The following ARGLU1 variants were observed in gnomAD, a reference collection of about 807,000 sequenced individuals.
ARGLU1 encodes the protein arginine and glutamate-rich protein 1.
Under a neutral mutation model 37.6 loss-of-function variants are expected in ARGLU1, and 9 were observed. The ratio of observed to expected loss-of-function variants is 0.24; its 90% CI spans 0.14 to 0.42. The LOEUF is 0.42. ARGLU1 is among the 10% of genes least tolerant of loss of function. The pLI is 1.00. For missense variants in ARGLU1, 211 were observed against 359.2 expected, an observed-to-expected ratio of 0.59 and a Z score of 3.34; for synonymous variants, 166 against 138.5, an observed-to-expected ratio of 1.20 and a Z score of -1.39.
rs1342796170 is a variant in ARGLU1, at chr13:106,542,187, C to T, written c.*1809G>A. 1 of 151,944 alleles carries T rather than the reference C, an allele frequency of 6.6e-6. No homozygotes were observed. Among genetic ancestry groups the T allele is most frequent in the Non-Finnish European group, 1.5e-5 (1 of 67,972 alleles). 9.4% of individuals were successfully genotyped at this position (151,944 alleles called of 1,614,324 possible). On this transcript the variant is annotated 3_prime_UTR_variant, in exon 4 of 4. Coordinates refer to ENST00000400198, the MANE Select transcript of ARGLU1 (RefSeq NM_018011.4). ...TTTCAAATATTTTAAGTCCAGGCTA[C>T]TCTCTTTAGATACAATGTTTTGAAC...
chr13:106,550,719 C>T (rs955111429), intron 3 of ARGLU1, among the ~76,000 whole-genome samples: 1 of 152,156 alleles, frequency 6.6e-6, no homozygotes, highest in Non-Finnish European at 1.5e-5. Flanking sequence ...GACACACTTC[C>T]TCCAGAGGTT....
intron 1 of ARGLU1, among the ~76,000 whole-genome samples, chr13:106,563,009 C>CAAAAAAAAAAAAAAAAAAAAAAAAA (rs71809659): frequency 2.1e-5 from 2 of 94,402 alleles, no homozygotes; most frequent in Non-Finnish European, 4.5e-5. Context: ...AAAAAAAAAA[C>CAAAAAAAAAAAAAAAAAAAAAAAAA]AAAAAAAAAA....
chr13:106,562,096 T>A (rs1880817092), intron 1 of ARGLU1: 1 of 152,226 alleles, frequency 6.6e-6, no homozygotes, highest in Non-Finnish European at 1.5e-5. Context: ...CTGGAGGAAC[T>A]GCAAGGCATC....
intron 1 of ARGLU1, among the ~76,000 whole-genome samples, chr13:106,562,773 T>C (rs1880845524): frequency 6.6e-6 from 1 of 151,690 alleles, no homozygotes; most frequent in South Asian, 2.1e-4. Flanking sequence ...AGGTGGATCA[T>C]GAGGTCAGGA....
At chr13:106,560,826 A>T (rs1466881647) in intron 1 of ARGLU1, among the ~76,000 whole-genome samples, 1 of 152,192 alleles carries the variant, frequency 6.6e-6, no homozygotes, top group Admixed American at 6.5e-5. Flanking sequence ...TTTGACATCC[A>T]TATATATGAG....
chr13:106,549,648 G>A (rs1472810304), intron 3 of ARGLU1, among the ~76,000 whole-genome samples: 1 of 152,088 alleles, frequency 6.6e-6, no homozygotes, highest in Non-Finnish European at 1.5e-5. Flanking sequence ...ATCATTACAG[G>A]ATATCATTAG....
chr13:106,560,365 A>G (rs1880763941), intron 1 of ARGLU1, among the ~76,000 whole-genome samples: 1 of 152,164 alleles, frequency 6.6e-6, no homozygotes, highest in African/African-American at 2.4e-5. Flanking sequence ...CTCCAATCCC[A>G]TTTTGATATT....
intron 1 of ARGLU1, chr13:106,561,846 C>G (rs1489678611): frequency 6.6e-6 from 1 of 152,230 alleles, no homozygotes; most frequent in Admixed American, 6.5e-5. Context: ...AATGCCAAAT[C>G]AGAATGTCAG....
At position 106,559,422 on chromosome 13, in the gene ARGLU1, C is replaced by A. The variant is rs747449379; in HGVS notation, c.573+10G>T. The A allele has an allele frequency of 6.2e-7, 1 of 1,613,632 alleles. No individual in the cohort carries two copies. The highest frequency in any genetic ancestry group is 1.3e-5 in the African/African-American group (1 of 74,914). Reference sequence around the variant, plus strand: ...GGACTGTCTCTACTTTCCAAACGACCGAGCGTTACCTCTCTAGCTTTTTGT... The same window carrying A: ...GGACTGTCTCTACTTTCCAAACGACAGAGCGTTACCTCTCTAGCTTTTTGT... On this transcript the variant is annotated intron_variant, in intron 2 of 3. Coordinates refer to ENST00000400198, the MANE Select transcript of ARGLU1 (RefSeq NM_018011.4).
At chr13:106,560,953 C>T (rs1566474908) in intron 1 of ARGLU1, among the ~76,000 whole-genome samples, 2 of 152,198 alleles carry the variant, frequency 1.3e-5, no homozygotes, top group Non-Finnish European at 2.9e-5. Flanking sequence ...CACCCAAGGG[C>T]TCTCATTTTC....
intron 1 of ARGLU1, among the ~76,000 whole-genome samples, chr13:106,563,739 C>A (rs1203829935): frequency 6.6e-6 from 1 of 152,132 alleles, no homozygotes; most frequent in African/African-American, 2.4e-5. Context: ...TATGCGGTTC[C>A]ATATAATCAA....
At chr13:106,561,766 C>T (rs568387029) in intron 1 of ARGLU1, 1 of 152,186 alleles carries the variant, frequency 6.6e-6, no homozygotes, top group Non-Finnish European at 1.5e-5. Flanking sequence ...AGCGCAGTGG[C>T]TAACAGGGCC....
chr13:106,566,819 A>C (rs1384249860), intron 1 of ARGLU1, among the ~76,000 whole-genome samples: 2 of 152,136 alleles, frequency 1.3e-5, no homozygotes, highest in East Asian at 3.9e-4. Context: ...ACAAAACTGC[A>C]CGTGTTTGCT....
chr13:106,554,760 C>A (rs1395821396), intron 3 of ARGLU1, among the ~76,000 whole-genome samples: 1 of 151,812 alleles, frequency 6.6e-6, no homozygotes, highest in Non-Finnish European at 1.5e-5. Context: ...TGGTGGGCAC[C>A]TGTAGTCCCA....
intron 1 of ARGLU1, among the ~76,000 whole-genome samples, chr13:106,566,923 C>T (rs1880980280): frequency 6.6e-6 from 1 of 151,382 alleles, no homozygotes; most frequent in African/African-American, 2.4e-5. Context: ...GCACTGTACA[C>T]TTAAGGTCTA....
chr13:106,566,395 C>T (rs1880964575), intron 1 of ARGLU1, among the ~76,000 whole-genome samples: 1 of 152,182 alleles, frequency 6.6e-6, no homozygotes, highest in Non-Finnish European at 1.5e-5. Flanking sequence ...GTCAATTCAG[C>T]ACACATATAC....
chr13:106,566,452 C>T (rs1329773202), intron 1 of ARGLU1, among the ~76,000 whole-genome samples: 1 of 152,200 alleles, frequency 6.6e-6, no homozygotes, highest in Non-Finnish European at 1.5e-5. Flanking sequence ...GCTTCATGAG[C>T]ACTTTCTAAA....
At chr13:106,561,396 G>C (rs1308688460) in intron 1 of ARGLU1, among the ~76,000 whole-genome samples, 1 of 150,534 alleles carries the variant, frequency 6.6e-6, no homozygotes, top group Non-Finnish European at 1.5e-5. Flanking sequence ...CTGCCTTTGT[G>C]AATATGTAAA....
At position 106,557,578 on chromosome 13, in the gene ARGLU1, C is replaced by A; in HGVS notation, c.574-447G>T. The stretch of plus-strand genomic sequence containing the variant: ...ATTTACTGTCTTGTCCAGTGTCCTG[C>A]AGAGTGTGCTCCTCGGCTGCCATAC... On this transcript the variant is annotated intron_variant, in intron 2 of 3. Coordinates refer to ENST00000400198, the MANE Select transcript of ARGLU1 (RefSeq NM_018011.4). The surrounding 1 kb of genome is among the most constrained non-coding windows in gnomAD (Gnocchi z 5.0). The A allele has an allele frequency of 2.5e-6, 4 of 1,608,608 alleles. No homozygotes were observed. The highest frequency in any genetic ancestry group is 2.5e-6 in the Non-Finnish European group (3 of 1,177,960).
Sources: gnomAD v4.1 joint callset for allele counts (sites outside exome capture counted in the v4.1 genomes callset) on GRCh38, gnomAD v4.1.1 for gene constraint, Gnocchi (gnomAD v3.1) non-coding constraint, MANE v1.5 for transcripts, NCBI Gene and HGNC (gene_info 2026-07-23, HGNC 2026-07-21) for gene names.